TRAF3IP3: variants seen among roughly 807,000 people sequenced by gnomAD.
TRAF3IP3 encodes TRAF3-interacting JNK-activating modulator.
TRAF3IP3 carries 64 observed loss-of-function variants against 86.5 expected under a neutral mutation model. The observed-to-expected ratio is 0.74, with a 90% CI of 0.60 to 0.91. The LOEUF is 0.91. Among genes scored for constraint, TRAF3IP3 ranks in the 40% least tolerant of loss-of-function variants. TRAF3IP3 has a pLI of 0.00. For missense variants in TRAF3IP3, 579 were observed against 642.9 expected (o/e 0.90, Z 1.07); for synonymous variants, 220 against 243.9 (o/e 0.90, Z 0.91).
intron 8 of TRAF3IP3, among the ~76,000 whole-genome samples, chr1:209,770,875 TGTGGAGGTGTGCGTGTGCAG>T (rs2077477202): frequency 8.6e-6 from 1 of 116,222 alleles, no homozygotes. Context: ...GTGTGTGCCA[TGTGGAGGTGTGCGTGTGCAG>T]GTGAAGGTGT....
chr1:209,772,875 T>C (rs1374334382), intron 8 of TRAF3IP3, 73 bp from the exon 9 acceptor site: 11 of 1,315,856 alleles, frequency 8.4e-6, no homozygotes, highest in Middle Eastern at 3.6e-4. Context: ...GGCAGTAGAA[T>C]AGGAATATAG....
At chr1:209,762,757 C>G in intron 4 of TRAF3IP3, 56 bp from the exon 5 acceptor site, 12 of 1,168,764 alleles carry the variant, frequency 1.0e-5, no homozygotes, top group Non-Finnish European at 1.4e-5. Flanking sequence ...TGTCCCTCCC[C>G]ACTTCCCTCA....
In TRAF3IP3 at chr1:209,762,525, C is replaced by A. The variant is rs1286966119; in HGVS notation, c.356C>A (p.Thr119Asn). 49 of 1,453,352 alleles carry A rather than the reference C, an allele frequency of 3.4e-5. No homozygotes were observed. Among genetic ancestry groups the A allele is most frequent in the Non-Finnish European group, 4.3e-5 (47 of 1,099,704 alleles). 90.0% of individuals were successfully genotyped at this position (1,453,352 alleles called of 1,614,324 possible). A position where few individuals can be genotyped will look rare whatever the true frequency, so the allele number is the denominator to read the frequency against. ...ISSPREQVTG[T>N]SSEVFPAQHP... ...CCACTTGCCTTCCAGGTGACAGGCA[C>A]CAGCTCTGAAGTCTTTCCAGCCCAG... Residue 119 changes from threonine to asparagine, a missense_variant, in exon 4 of 17, where the codon ACC becomes AAC. By Grantham distance (65) the Thr-to-Asn change is moderately conservative (BLOSUM62 0). Coordinates refer to ENST00000367025, the MANE Select transcript of TRAF3IP3 (RefSeq NM_025228.4).
intron 11 of TRAF3IP3, 24 bp downstream of exon 11, chr1:209,775,760 G>A (rs751572723): frequency 1.3e-6 from 2 of 1,595,458 alleles, no homozygotes; most frequent in South Asian, 2.3e-5. Flanking sequence ...GGGGTGGGGA[G>A]GGAAGACAGG....
At chr1:209,770,792 TGC>T in intron 8 of TRAF3IP3, among the ~76,000 whole-genome samples, 1 of 110,650 alleles carries the variant, frequency 9.0e-6, no homozygotes, top group African/African-American at 3.6e-5. Flanking sequence ...TGTGTGTGTG[TGC>T]ATATGGAGGT....
intron 16 of TRAF3IP3, 43 bp downstream of exon 16, chr1:209,781,501 C>T (rs186109356): frequency 4.2e-5 from 61 of 1,439,712 alleles, no homozygotes; most frequent in East Asian, 6.9e-5. Context: ...GATGATGGGA[C>T]GATTCCTTCT....
chr1:209,773,174 A>G (rs2077581876), intron 9 of TRAF3IP3, among the ~76,000 whole-genome samples, 155 bp downstream of exon 9: 1 of 152,212 alleles, frequency 6.6e-6, no homozygotes, highest in Non-Finnish European at 1.5e-5. Flanking sequence ...TTTACACTTT[A>G]GTCTCTAATT....
rs1175442009 is a variant in TRAF3IP3, at chr1:209,782,210, A to G, written c.*62A>G. On this transcript the variant is annotated 3_prime_UTR_variant, in exon 17 of 17. Transcript: ENST00000367025. The stretch of plus-strand genomic sequence containing the variant: ...GCAAGCAACTCAGCGAAAAACTCAG[A>G]AGGTTTGGGTACATTACAGCTTGGG... The G allele has an allele frequency of 2.2e-6, 3 of 1,369,584 alleles. No homozygotes were observed. The African/African-American group carries it at 4.3e-5, about 19-fold the overall frequency. The allele number at this position is 1,369,584 out of a possible 1,614,324, so 84.8% of individuals were successfully genotyped here. A position where few individuals can be genotyped will look rare whatever the true frequency, so the allele number is the denominator to read the frequency against.
chr1:209,773,080 T>G (rs765121064), intron 9 of TRAF3IP3, 61 bp downstream of exon 9: 6 of 1,422,314 alleles, frequency 4.2e-6, no homozygotes, highest in Non-Finnish European at 5.8e-6. Flanking sequence ...AAGAATGTTT[T>G]TGAACCTCAA....
chr1:209,775,364 G>A lies in TRAF3IP3; in HGVS notation c.790G>A (p.Gly264Arg). The stretch of plus-strand genomic sequence containing the variant: ...AAATTTACAGAAATACTCCCCTTGG[G>A]GAATGAAAAAAGTACTACTGGAGAT... ...YTCTQKYSPW[G>R]MKKVLLEMED... The change falls in exon 10 of 17, where the codon GGA becomes AGA. Residue 264 changes from glycine (G) to arginine (R), a missense_variant. Physicochemically the swap from Gly to Arg is moderately radical, Grantham distance 125. Coordinates refer to ENST00000367025, the MANE Select transcript of TRAF3IP3 (RefSeq NM_025228.4). 1.2e-6 allele frequency: 2 copies of A among 1,612,890 alleles called. No individual in the cohort carries two copies. Among genetic ancestry groups the A allele is most frequent in the Non-Finnish European group, 8.5e-7 (1 of 1,179,390 alleles).
intron 11 of TRAF3IP3, chr1:209,776,680 T>C (rs1256179918): frequency 2.0e-5 from 3 of 149,420 alleles, no homozygotes; most frequent in Non-Finnish European, 4.4e-5. Context: ...CTGCCAGAAG[T>C]AGAAAAAAGA....
intron 8 of TRAF3IP3, among the ~76,000 whole-genome samples, chr1:209,770,696 T>G (rs2077461296): frequency 7.0e-6 from 1 of 143,710 alleles, no homozygotes; most frequent in African/African-American, 2.7e-5. Context: ...TGTGTGCATG[T>G]GGAGGTGTGT....
intron 8 of TRAF3IP3, among the ~76,000 whole-genome samples, chr1:209,770,885 TGCGTGTGCAGGTGAAGGTGTGC>T (rs2077477891): frequency 7.5e-6 from 1 of 133,510 alleles, no homozygotes. Context: ...TGTGGAGGTG[TGCGTGTGCAGGTGAAGGTGTGC>T]GTGTGCAGGT....
Position 209,760,194 on chromosome 1 carries a change from A to G in TRAF3IP3, c.155A>G (p.Gln52Arg). ...CAGGTGGGGAAGACGCTGAGGATCC[A>G]ACAGAGAGAGCAGCTCCAGAGAGCT... The part of the protein sequence containing the change: ...CRQVGKTLRI[Q>R]QREQLQRARL... The change falls in exon 3 of 17, where the codon CAA becomes CGA. Residue 52 changes from glutamine (Q) to arginine (R), a missense_variant. Gln to Arg is a conservative substitution (Grantham distance 43). Transcript: ENST00000367025. 1 of 1,614,242 alleles carries G rather than the reference A, an allele frequency of 6.2e-7. No homozygotes were observed. The highest frequency in any genetic ancestry group is 8.5e-7 in the Non-Finnish European group (1 of 1,180,046).
In TRAF3IP3 at chr1:209,782,172, G is replaced by A. The variant is rs781123450; in HGVS notation, c.*24G>A. On this transcript the variant is annotated 3_prime_UTR_variant, in exon 17 of 17. Coordinates refer to ENST00000367025, the MANE Select transcript of TRAF3IP3 (RefSeq NM_025228.4). The stretch of plus-strand genomic sequence containing the variant: ...GAATAATTTGTGACAACTGCCTTGG[G>A]TGAAAATCAGAAGCAAGCAACTCAG... 1.8e-5 allele frequency: 28 copies of A among 1,592,700 alleles called. No homozygotes were observed. The Admixed American group carries it at 4.7e-4, about 27-fold the overall frequency.
chr1:209,762,771 C>A, intron 4 of TRAF3IP3, 42 bp from the exon 5 acceptor site: 1 of 1,364,404 alleles, frequency 7.3e-7, no homozygotes, highest in Non-Finnish European at 9.7e-7. Flanking sequence ...TCCCTCACTT[C>A]CTCCCTGTAA....
intron 15 of TRAF3IP3, chr1:209,781,117 T>C: frequency 3.6e-6 from 1 of 275,282 alleles, no homozygotes; most frequent in Non-Finnish European, 6.9e-6. Flanking sequence ...AGAACTTAAA[T>C]GTATAAAATG....
intron 8 of TRAF3IP3, among the ~76,000 whole-genome samples, chr1:209,767,816 C>T (rs2102459431): frequency 1.3e-5 from 2 of 152,108 alleles, no homozygotes; most frequent in South Asian, 4.1e-4. Context: ...TCAAAGCAAG[C>T]TTTGTGGGAA....
chr1:209,769,816 C>G (rs1274983473), intron 8 of TRAF3IP3, among the ~76,000 whole-genome samples: 1 of 152,224 alleles, frequency 6.6e-6, no homozygotes, highest in East Asian at 1.9e-4. Flanking sequence ...ATTTCAAGAC[C>G]TCACAAGCGT....
Sources: allele counts gnomAD v4.1 joint callset (sites outside exome capture counted in the v4.1 genomes callset), GRCh38; gene constraint gnomAD v4.1.1; transcripts MANE v1.5; gene names NCBI Gene and HGNC (gene_info 2026-07-23, HGNC 2026-07-21).